The following CRYBA4 variants were observed in gnomAD, a reference collection of about 807,000 sequenced individuals.
CRYBA4 encodes the protein beta-crystallin A4.
CRYBA4 carries 30 observed loss-of-function variants against 31.7 expected under a neutral mutation model. That is an observed-to-expected ratio of 0.95 (90% confidence interval 0.71 to 1.28). CRYBA4 has a LOEUF of 1.28. Among genes scored for constraint, CRYBA4 ranks in the 50% most tolerant of loss-of-function variants. The probability of loss-of-function intolerance (pLI) is 0.00; values close to 1 mark genes in which losing one functional copy is unlikely to be tolerated. For synonymous variants in CRYBA4, 102 were observed against 102.3 expected (o/e 1.00, Z 0.02); for missense variants, 225 against 260.7 (o/e 0.86, Z 0.94).
At chr22:26,629,684 G>A (rs1212208507) in intron 5 of CRYBA4, among the ~76,000 whole-genome samples, 1 of 137,052 alleles carries the variant, frequency 7.3e-6, no homozygotes, top group African/African-American at 2.7e-5. Context: ...GCAGTGAGCC[G>A]AGGTCATGCC....
chr22:26,597,279 G>A, the CRYBA4 span, among the ~76,000 whole-genome samples: 2 of 152,078 alleles, frequency 1.3e-5, no homozygotes, highest in Non-Finnish European at 2.9e-5. Context: ...AGCTTCACCG[G>A]GGCCCACCAC....
chr22:26,616,147 T>A, the CRYBA4 span: 1 of 1,613,936 alleles, frequency 6.2e-7, no homozygotes, highest in Non-Finnish European at 8.5e-7. Context: ...TACCCTGTAG[T>A]TCCCAGGAGG....
At chr22:26,594,205 C>G in the CRYBA4 span, among the ~76,000 whole-genome samples, 113 of 152,324 alleles carry the variant, frequency 7.4e-4, no homozygotes, top group African/African-American at 2.5e-3. Context: ...CTGACCCAGG[C>G]TATTGGCTGT....
the CRYBA4 span, among the ~76,000 whole-genome samples, chr22:26,610,354 C>G: frequency 6.6e-6 from 1 of 152,130 alleles, no homozygotes; most frequent in Non-Finnish European, 1.5e-5. Context: ...CTTTTTTTCC[C>G]ATGGCCCTGC....
At chr22:26,598,029 C>T in the CRYBA4 span, among the ~76,000 whole-genome samples, 376 of 152,174 alleles carry the variant, frequency 2.5e-3, 4 homozygotes, top group South Asian at 0.023. Flanking sequence ...ATTACAGGCA[C>T]CCGCCACCAC....
chr22:26,600,011 T>G, the CRYBA4 span, among the ~76,000 whole-genome samples: 55 of 152,342 alleles, frequency 3.6e-4, no homozygotes, highest in African/African-American at 1.3e-3. Flanking sequence ...AACGTGATGA[T>G]GCAGGGCTCA....
the CRYBA4 span, among the ~76,000 whole-genome samples, chr22:26,590,364 G>C: frequency 6.6e-6 from 1 of 152,200 alleles, no homozygotes; most frequent in African/African-American, 2.4e-5. Flanking sequence ...ACTTCTCCCG[G>C]TCAGTTCTGT....
At chr22:26,623,721 GC>G (rs1394509328) in intron 3 of CRYBA4, among the ~76,000 whole-genome samples, 2 of 151,380 alleles carry the variant, frequency 1.3e-5, no homozygotes, top group Admixed American at 6.6e-5. Flanking sequence ...TTAATTTTTA[GC>G]TAAATAGTCT....
At chr22:26,600,400 T>C in the CRYBA4 span, among the ~76,000 whole-genome samples, 1 of 150,126 alleles carries the variant, frequency 6.7e-6, no homozygotes, top group East Asian at 1.9e-4. Flanking sequence ...AGACTCCATC[T>C]CAAAAAAAAA....
the CRYBA4 span, among the ~76,000 whole-genome samples, chr22:26,598,913 C>G: frequency 5.9e-5 from 9 of 152,212 alleles, no homozygotes; most frequent in Non-Finnish European, 1.2e-4. Flanking sequence ...AGTACAGGCT[C>G]TGGAGCCAGA....
chr22:26,620,225 A>G (rs1287771881), upstream of CRYBA4, among the ~76,000 whole-genome samples: 1 of 152,086 alleles, frequency 6.6e-6, no homozygotes, highest in Admixed American at 6.5e-5. Flanking sequence ...TTGATCAACA[A>G]TTAATAATAA....
At chr22:26,591,735 C>T in the CRYBA4 span, among the ~76,000 whole-genome samples, 13 of 123,332 alleles carry the variant, frequency 1.1e-4, no homozygotes, top group African/African-American at 2.8e-4. Context: ...AGTGAGACTC[C>T]GTCTCAAAAA....
chr22:26,622,123 C>A, intron 1 of CRYBA4, 137 bp downstream of exon 1: 1 of 270,222 alleles, frequency 3.7e-6, no homozygotes. Flanking sequence ...CAAGGATGAG[C>A]CCCAACCATC....
rs1185479707 is a variant in CRYBA4 at position 26,630,216 on chromosome 22, G to T, written c.444-124G>T. The stretch of plus-strand genomic sequence containing the variant: ...GGTAGGGGAGAGAGCATGGCACATT[G>T]TGAGCACTGAAGAAAGGCCAGGATG... On this transcript the variant is annotated intron_variant, in intron 5 of 5. Transcript: ENST00000354760. The T allele has an allele frequency of 3.2e-6, 4 of 1,239,912 alleles. No homozygotes were observed. The African/African-American group carries it at 5.9e-5, about 18-fold the overall frequency. The allele number at this position is 1,239,912 out of a possible 1,614,324, so 76.8% of individuals were successfully genotyped here.
the CRYBA4 span, among the ~76,000 whole-genome samples, chr22:26,607,264 C>T: frequency 3.9e-5 from 6 of 152,096 alleles, no homozygotes; most frequent in African/African-American, 1.4e-4. Flanking sequence ...CTTGGGTAAC[C>T]ACCCACCTCA....
rs1404229613 is a variant in CRYBA4, at chr22:26,627,359, C to CCCTT, written c.301-928_301-927insCTTC. Among the ~76,000 whole-genome samples, 121 of 41,862 alleles carry CCCTT rather than the reference C, an allele frequency of 2.9e-3. 5 individuals are homozygous for CCCTT. Among genetic ancestry groups the CCCTT allele is most frequent in the Non-Finnish European group, 3.9e-3 (94 of 24,276 alleles). The allele number at this position is 41,862 out of a possible 152,430, so 27.5% of individuals were successfully genotyped here. A position where few individuals can be genotyped will look rare whatever the true frequency, so the allele number is the denominator to read the frequency against. ...CCCCTCCCTCCCTCCCTCCCTCCCT[C>CCCTT]CTTTCTTTCTTTCTTTCTTTCTTTC... is the stretch of plus-strand genomic sequence containing the variant. On this transcript the variant is annotated intron_variant, in intron 4 of 5. Coordinates refer to ENST00000354760, the MANE Select transcript of CRYBA4 (RefSeq NM_001886.3).
Position 26,630,535 on chromosome 22 carries a change from G to A in CRYBA4, c.*48G>A, listed in dbSNP as rs1247618347. The A allele has an allele frequency of 1.3e-6, 2 of 1,552,322 alleles. No individual in the cohort carries two copies. The highest frequency in any genetic ancestry group is 8.8e-7 in the Non-Finnish European group (1 of 1,137,340). On this transcript the variant is annotated 3_prime_UTR_variant, in exon 6 of 6. Coordinates refer to ENST00000354760, the MANE Select transcript of CRYBA4 (RefSeq NM_001886.3). ...CGCATGCGTGCTTATCTGCAATGGA[G>A]GCGCTCTGGAGGCTGTGGTGTGTTC...
intron 2 of CRYBA4, among the ~76,000 whole-genome samples, chr22:26,622,987 A>C (rs1360576447): frequency 2.0e-5 from 3 of 152,234 alleles, no homozygotes; most frequent in Non-Finnish European, 4.4e-5. Flanking sequence ...TGTCTTGAGA[A>C]ATTGGAAGGT....
intron 4 of CRYBA4, among the ~76,000 whole-genome samples, chr22:26,627,362 T>TTC (rs1182243926): frequency 1.9e-4 from 6 of 30,810 alleles, no homozygotes; most frequent in Admixed American, 7.8e-4. Context: ...CCTCCCTCCT[T>TTC]TCTTTCTTTC....
Sources: allele counts gnomAD v4.1 joint callset (sites outside exome capture counted in the v4.1 genomes callset), GRCh38; gene constraint gnomAD v4.1.1; transcripts MANE v1.5; gene names NCBI Gene and HGNC (gene_info 2026-07-23, HGNC 2026-07-21).